The following ANKLE2 variants were observed in gnomAD, a reference collection of about 807,000 sequenced individuals.
ANKLE2 encodes the protein ankyrin repeat and LEM domain containing 2.
ANKLE2 carries 55 observed loss-of-function variants against 84.2 expected under a neutral mutation model. That is an observed-to-expected ratio of 0.65 (90% CI 0.53 to 0.82). The LOEUF (loss-of-function observed/expected upper bound fraction) is 0.82. Among genes scored for constraint, ANKLE2 ranks in the 40% least tolerant of loss-of-function variants. The pLI is 0.00. For synonymous variants in ANKLE2, 551 were observed against 486.1 expected, an observed-to-expected ratio of 1.13 and a Z score of -1.76; for missense variants, 1,238 against 1,201.9, an observed-to-expected ratio of 1.03 and a Z score of -0.44.
chr12:132,754,675 C>T lies in ANKLE2; in HGVS notation c.640G>A (p.Glu214Lys), dbSNP rs746968725. 2 of 1,598,170 alleles carry T rather than the reference C, an allele frequency of 1.3e-6. No individual in the cohort carries two copies. The highest frequency in any genetic ancestry group is 1.7e-6 in the Non-Finnish European group (2 of 1,170,112). ...PVYEDVPARNERIYVYENKKE... is the reference protein window; with the variant it reads ...PVYEDVPARNKRIYVYENKKE... Reference sequence around the variant, plus strand: ...GAAATCCTACACACGGTCCCATTACCATTTCTCGCTGGGACGTCCTCATAC... The same window carrying T: ...GAAATCCTACACACGGTCCCATTACTATTTCTCGCTGGGACGTCCTCATAC... The change falls in exon 2 of 13, where the codon GAA (glutamate) becomes AAA (lysine). Residue 214 changes from glutamate to lysine, a missense_variant and splice_region_variant. By Grantham distance (56) the Glu-to-Lys change is moderately conservative (BLOSUM62 1). Around this residue, in one of 3 missense-constraint regions of ANKLE2, gnomAD observed 422 missense variants for 394.5 expected, o/e 1.07. Transcript: ENST00000357997.
chr12:132,746,348 C>CAAAAAAAAAAAAAAAAAAAAAAAAA (rs566130639), intron 5 of ANKLE2, among the ~76,000 whole-genome samples: 10 of 66,524 alleles, frequency 1.5e-4, no homozygotes, highest in Non-Finnish European at 2.7e-4. Context: ...GACTCTGTCT[C>CAAAAAAAAAAAAAAAAAAAAAAAAA]AAAAAAAAAA....
chr12:132,744,051 G>A (rs986229220), intron 5 of ANKLE2, among the ~76,000 whole-genome samples: 3 of 152,150 alleles, frequency 2.0e-5, no homozygotes, highest in African/African-American at 7.2e-5. Context: ...CGTCCATGAC[G>A]CTGCGTCACG....
intron 1 of ANKLE2, chr12:132,761,109 C>G (rs1424867221): frequency 6.5e-6 from 1 of 152,926 alleles, no homozygotes; most frequent in Admixed American, 6.5e-5. Context: ...ACCCGACAGT[C>G]TACCGCAAAG....
At chr12:132,735,764 C>T (rs2043996581) in intron 8 of ANKLE2, among the ~76,000 whole-genome samples, 1 of 152,176 alleles carries the variant, frequency 6.6e-6, no homozygotes, top group African/African-American at 2.4e-5. Context: ...AGGTTCAGAA[C>T]CAGGAGGGCC....
At position 132,726,364 on chromosome 12, in the gene ANKLE2, G is replaced by A. The variant is rs1391116673; in HGVS notation, c.*878C>T. On this transcript the variant is annotated 3_prime_UTR_variant, in exon 13 of 13. Transcript: ENST00000357997. ...GCATACAGGAGATCCCAACTGAAATGAGTTCCAAAATAACGGATACCTTTA... is the reference window on the plus strand; with the variant it reads ...GCATACAGGAGATCCCAACTGAAATAAGTTCCAAAATAACGGATACCTTTA... The A allele has an allele frequency of 6.6e-6, 1 of 152,300 alleles. No individual in the cohort carries two copies. Among genetic ancestry groups the A allele is most frequent in the Non-Finnish European group, 1.5e-5 (1 of 68,120 alleles). The allele number at this position is 152,300 out of a possible 1,614,324, so 9.4% of individuals were successfully genotyped here.
At chr12:132,733,035 G>A (rs183366106) in intron 10 of ANKLE2, among the ~76,000 whole-genome samples, 4,785 of 135,732 alleles carry the variant, frequency 0.035, 82 homozygotes, top group Middle Eastern at 0.065. Flanking sequence ...TCTGCGTCCT[G>A]GTGTCTGATA....
chr12:132,758,616 T>G (rs898188473), intron 1 of ANKLE2: 3 of 152,054 alleles, frequency 2.0e-5, no homozygotes, highest in African/African-American at 7.2e-5. Context: ...CTCCACCTCC[T>G]GGGTTCAAGC....
chr12:132,734,179 A>G, intron 10 of ANKLE2: 1 of 608,260 alleles, frequency 1.6e-6, no homozygotes, highest in Admixed American at 2.7e-5. Flanking sequence ...CAGGAGGTGG[A>G]GGTTGCAGTG....
intron 10 of ANKLE2, chr12:132,732,311 CGTCCTGGTGTCTG>C (rs2043877343): frequency 3.0e-5 from 4 of 134,594 alleles, no homozygotes; most frequent in Non-Finnish European, 4.8e-5. Flanking sequence ...AAGCTCTCTG[CGTCCTGGTGTCTG>C]ATACGCACCG....
Position 132,736,963 on chromosome 12 carries a change from C to G in ANKLE2, c.1523G>C (p.Arg508Pro). 2 of 1,613,886 alleles carry G rather than the reference C, an allele frequency of 1.2e-6. No individual in the cohort carries two copies. The highest frequency in any genetic ancestry group is 2.7e-5 in the African/African-American group (2 of 75,052). ...CGGGTCTCTGGGGCTGCCTCCATAG[C>G]GGCTGACGTGAGAGGCCTCAGCCGT... ...DQTAEASHVS[R>P]YGGSPRDPVL... Residue 508 changes from arginine to proline, a missense_variant, in exon 8 of 13, where the codon CGC (arginine) becomes CCC (proline). Coordinates refer to ENST00000357997, the MANE Select transcript of ANKLE2 (RefSeq NM_015114.3).
At chr12:132,751,551 G>A (rs1202700142) in intron 2 of ANKLE2, among the ~76,000 whole-genome samples, 1 of 149,320 alleles carries the variant, frequency 6.7e-6, no homozygotes, top group African/African-American at 2.5e-5. Flanking sequence ...GGGAATGGCT[G>A]TTTTTTTTTG....
rs2044633894 is a variant in ANKLE2 at position 132,761,813 on chromosome 12, C to A, written c.-15G>T. On this transcript the variant is annotated 5_prime_UTR_variant, in exon 1 of 13. Coordinates refer to ENST00000357997, the MANE Select transcript of ANKLE2 (RefSeq NM_015114.3). The stretch of plus-strand genomic sequence containing the variant: ...GGCCACAGCATCGCCGCCGCCCGGG[C>A]CGCAGCCGCCGAGAAGCCCGCGCCC... 9 of 1,027,304 alleles carry A rather than the reference C, an allele frequency of 8.8e-6. No individual in the cohort carries two copies. In the South Asian group the frequency reaches 3.1e-4, roughly 35 times the overall value. 63.6% of individuals were successfully genotyped at this position (1,027,304 alleles called of 1,614,324 possible). A position where few individuals can be genotyped will look rare whatever the true frequency, so the allele number is the denominator to read the frequency against.
intron 11 of ANKLE2, among the ~76,000 whole-genome samples, chr12:132,729,211 C>T (rs772383952): frequency 1.8e-4 from 26 of 147,952 alleles, no homozygotes; most frequent in Admixed American, 9.5e-4. Context: ...ATCAGCTAGA[C>T]GTGGTGGCAG....
At position 132,743,163 on chromosome 12, in the gene ANKLE2, T is replaced by C. The variant is rs77051916; in HGVS notation, c.1344A>G (p.Thr448=). ...VKNSRNKYDK[T]PEDVICERSK... is the part of the protein sequence containing the mutation. ...TGTAATAAGTACTTACATCTTCAGG[T>C]GTTTTATCATATTTATTCCTTGAGT... is the stretch of plus-strand genomic sequence containing the variant. The change falls in exon 6 of 13, where the codon ACA becomes ACG. Residue 448 remains threonine (T), a synonymous_variant. Transcript: ENST00000357997. This position sits in a 1 kb window ranked among gnomAD's most constrained non-coding sequence, Gnocchi z 4.1. The C allele has an allele frequency of 3.1e-3, 4,921 of 1,604,920 alleles. 90 individuals are homozygous for C. In the African/African-American group the frequency reaches 0.048, roughly 16 times the overall value.
Position 132,761,654 on chromosome 12 carries a change from C to T in ANKLE2, c.145G>A (p.Val49Ile). The stretch of plus-strand genomic sequence containing the variant: ...GCGGCGGCCGCGCTTGGCGGAGGAA[C>T]TGGGGTCCCGCTGCGGCCCAGACCT... Reference protein sequence around the residue: ...PGGLGRSGTPVPPPSAAAAPA... With the variant: ...PGGLGRSGTPIPPPSAAAAPA... Residue 49 changes from valine to isoleucine, a missense_variant, in exon 1 of 13, where the codon GTT (valine) becomes ATT (isoleucine). Physicochemically the swap from Val to Ile is conservative, Grantham distance 29. This residue lies in a region of ANKLE2 where 422 missense variants were observed against 394.5 expected (regional missense o/e 1.07). Coordinates refer to ENST00000357997, the MANE Select transcript of ANKLE2 (RefSeq NM_015114.3). 1 of 1,288,990 alleles carries T rather than the reference C, an allele frequency of 7.8e-7. No homozygotes were observed. The allele number at this position is 1,288,990 out of a possible 1,614,324, so 79.8% of individuals were successfully genotyped here.
In ANKLE2 at chr12:132,734,390, G is replaced by A. The variant is rs77542033; in HGVS notation, c.1886C>T (p.Thr629Met). 37 of 1,614,026 alleles carry A rather than the reference G, an allele frequency of 2.3e-5. No individual in the cohort carries two copies. The highest frequency in any genetic ancestry group is 2.2e-4 in the East Asian group (10 of 44,878). Residue 629 changes from threonine (T) to methionine (M), a missense_variant, in exon 10 of 13, where the codon ACG becomes ATG. Around this residue, in one of 3 missense-constraint regions of ANKLE2, gnomAD observed 802 missense variants for 774.5 expected, o/e 1.04. Coordinates refer to ENST00000357997, the MANE Select transcript of ANKLE2 (RefSeq NM_015114.3). The stretch of plus-strand genomic sequence containing the variant: ...CCACGCCTGCACATGCTTACCAGAC[G>A]TGGTGGCTTTATCTCGGCAGGAGGC... ...REASCRDKAT[T>M]SGSNSISVRA...
chr12:132,748,746 G>A (rs1593171668), intron 3 of ANKLE2: 3 of 225,298 alleles, frequency 1.3e-5, no homozygotes, highest in African/African-American at 6.7e-5. Context: ...ACCCAGGCTG[G>A]AGTGTGGTGG....
rs2043708920 is a variant in ANKLE2 at position 132,726,869 on chromosome 12, T to G, written c.*373A>C. On this transcript the variant is annotated 3_prime_UTR_variant, in exon 13 of 13. Coordinates refer to ENST00000357997, the MANE Select transcript of ANKLE2 (RefSeq NM_015114.3). ...GGTGCTCACGCCTCCGCCAAGCCCC[T>G]CCTCATCCACAGCGTCTGTCGGATG... is the stretch of plus-strand genomic sequence containing the variant. The G allele has an allele frequency of 5.2e-6, 1 of 191,562 alleles. No homozygotes were observed. The allele number at this position is 191,562 out of a possible 1,614,324, so 11.9% of individuals were successfully genotyped here.
chr12:132,754,753 C>T lies in ANKLE2; in HGVS notation c.562G>A (p.Ala188Thr). The T allele has an allele frequency of 1.9e-6, 3 of 1,614,188 alleles. No homozygotes were observed. The highest frequency in any genetic ancestry group is 2.5e-6 in the Non-Finnish European group (3 of 1,180,046). ...GGCTCCTTAGACGCAGTCGCTCCAG[C>T]TCTGTAGGTGTCGGTGTCACTAGGG... ...VPPSDTDTYR[A>T]GATASKEPPL... Residue 188 changes from alanine to threonine, a missense_variant, in exon 2 of 13, where the codon GCT becomes ACT. Around this residue, in one of 3 missense-constraint regions of ANKLE2, gnomAD observed 422 missense variants for 394.5 expected, o/e 1.07. Coordinates refer to ENST00000357997, the MANE Select transcript of ANKLE2 (RefSeq NM_015114.3).
Sources: allele counts gnomAD v4.1 joint callset (sites outside exome capture counted in the v4.1 genomes callset), GRCh38; gene constraint gnomAD v4.1.1; regional missense constraint gnomAD v4.1.1; non-coding constraint Gnocchi (gnomAD v3.1); transcripts MANE v1.5; gene names NCBI Gene and HGNC (gene_info 2026-07-23, HGNC 2026-07-21).